TMEM65: variants seen among roughly 807,000 people sequenced by gnomAD.
TMEM65 encodes transmembrane protein 65.
TMEM65 carries 22 observed loss-of-function variants against 25.4 expected under a neutral mutation model. That is an observed-to-expected ratio of 0.86 (90% CI 0.62 to 1.23). TMEM65 has a LOEUF of 1.23. Ranked by LOEUF, TMEM65 falls within the 50% of genes most tolerant of loss-of-function variation. The pLI, the probability that TMEM65 is intolerant of heterozygous loss-of-function variation, is 0.00. For missense variants in TMEM65, 262 were observed against 308.2 expected (o/e 0.85, Z 1.12); for synonymous variants, 132 against 126.2 (o/e 1.05, Z -0.31).
In TMEM65 at chr8:124,347,828, T is replaced by A. The variant is rs182524890; in HGVS notation, c.305-17036A>T. ...CTTTATCAACCATATTAATGTACCA[T>A]CCCTATTAACTATTTAACTCTGACT... On this transcript the variant is annotated intron_variant, in intron 1 of 6. Transcript: ENST00000297632. 3.2e-4 allele frequency among the ~76,000 whole-genome samples: 48 copies of A among 151,914 alleles called. 1 individual carries two copies. The highest frequency in any genetic ancestry group is 6.9e-3 in the Middle Eastern group (2 of 290).
At chr8:124,340,277 A>G (rs1182666392) in intron 1 of TMEM65, among the ~76,000 whole-genome samples, 2 of 152,128 alleles carry the variant, frequency 1.3e-5, no homozygotes, top group Non-Finnish European at 2.9e-5. Context: ...CTGTTTATAT[A>G]TGTCTGCATC....
chr8:124,349,215 C>G (rs1814676441), intron 1 of TMEM65, among the ~76,000 whole-genome samples: 3 of 152,048 alleles, frequency 2.0e-5, no homozygotes, highest in South Asian at 4.1e-4. Context: ...AAAACATTGT[C>G]AAAACACTGG....
intron 1 of TMEM65, among the ~76,000 whole-genome samples, chr8:124,332,026 A>C (rs113127090): frequency 0.1 from 15,172 of 152,100 alleles, 803 homozygotes; most frequent in East Asian, 0.15. Context: ...TCTAAGAAGC[A>C]AACTTAAGCT....
chr8:124,361,539 A>G (rs1479880624), intron 1 of TMEM65, among the ~76,000 whole-genome samples: 2 of 151,606 alleles, frequency 1.3e-5, no homozygotes, highest in African/African-American at 4.8e-5. Context: ...GTTTAAAAAA[A>G]AGCAAGATTT....
rs1455438819 is a variant in TMEM65 at position 124,365,124 on chromosome 8, A to G, written c.304+6730T>C. ...GACTTTATATTACTTCAATTTTCCT[A>G]TCCACAAATTTGATCATAACAATTT... On this transcript the variant is annotated intron_variant, in intron 1 of 6. Transcript: ENST00000297632. 9.9e-5 allele frequency among the ~76,000 whole-genome samples: 15 copies of G among 152,216 alleles called. 1 individual carries two copies. The highest frequency in any genetic ancestry group is 2.1e-4 in the Non-Finnish European group (14 of 68,040).
chr8:124,365,260 T>C (rs1563600985), intron 1 of TMEM65, among the ~76,000 whole-genome samples: 1 of 152,224 alleles, frequency 6.6e-6, no homozygotes, highest in Non-Finnish European at 1.5e-5. Context: ...GAAGCCATAT[T>C]TCCCAAATTT....
At chr8:124,333,095 C>T (rs1207350725) in intron 1 of TMEM65, among the ~76,000 whole-genome samples, 1 of 151,852 alleles carries the variant, frequency 6.6e-6, no homozygotes, top group Non-Finnish European at 1.5e-5. Context: ...AGCCACCATG[C>T]CCAGCCCAAT....
chr8:124,363,836 C>CAAAAAAAAA (rs869161640), intron 1 of TMEM65, among the ~76,000 whole-genome samples: 10 of 55,714 alleles, frequency 1.8e-4, no homozygotes, highest in African/African-American at 5.6e-4. Flanking sequence ...GACTCCGTCT[C>CAAAAAAAAA]AAAAAAAAAA....
At chr8:124,314,554 A>G (rs1243194880) in intron 6 of TMEM65, among the ~76,000 whole-genome samples, 1 of 152,246 alleles carries the variant, frequency 6.6e-6, no homozygotes, top group Non-Finnish European at 1.5e-5. Flanking sequence ...TAGCAATTTC[A>G]GTATACATAA....
Position 124,310,864 on chromosome 8 carries a change from A to G in TMEM65, c.*3096T>C, listed in dbSNP as rs1586452355. On this transcript the variant is annotated 3_prime_UTR_variant, in exon 7 of 7. Coordinates refer to ENST00000297632, the MANE Select transcript of TMEM65 (RefSeq NM_194291.3). ...AAAAAAAATGAAAACTATAAAAACT[A>G]GATTCTCAAGGTACTGCATTACCAC... 1 of 152,224 alleles carries G rather than the reference A, an allele frequency of 6.6e-6. No homozygotes were observed. Among genetic ancestry groups the G allele is most frequent in the East Asian group, 1.9e-4 (1 of 5,184 alleles). The allele number at this position is 152,224 out of a possible 1,614,324, so 9.4% of individuals were successfully genotyped here.
intron 6 of TMEM65, among the ~76,000 whole-genome samples, chr8:124,315,891 T>G (rs1413428030): frequency 6.6e-6 from 1 of 152,206 alleles, no homozygotes; most frequent in East Asian, 1.9e-4. Context: ...TTTTTGACTT[T>G]AACATATTTA....
intron 1 of TMEM65, among the ~76,000 whole-genome samples, chr8:124,363,968 G>A (rs1180367729): frequency 2.7e-5 from 4 of 150,828 alleles, no homozygotes; most frequent in Admixed American, 6.6e-5. Flanking sequence ...GAATGTAAAG[G>A]ATTTTGTTGT....
chr8:124,349,593 TA>T (rs1814680824), intron 1 of TMEM65, among the ~76,000 whole-genome samples: 2 of 152,144 alleles, frequency 1.3e-5, no homozygotes, highest in Admixed American at 1.3e-4. Flanking sequence ...CTAACACAAA[TA>T]CCTACTCTGA....
chr8:124,342,982 G>A (rs1351680179), intron 1 of TMEM65, among the ~76,000 whole-genome samples: 1 of 152,096 alleles, frequency 6.6e-6, no homozygotes, highest in Non-Finnish European at 1.5e-5. Context: ...CAATTAAAAG[G>A]TTATTAGAAA....
In TMEM65 at chr8:124,348,512, T is replaced by C. The variant is rs193030347; in HGVS notation, c.305-17720A>G. Among the ~76,000 whole-genome samples the C allele has an allele frequency of 3.9e-3, 595 of 152,282 alleles. 12 individuals carry two copies. Among genetic ancestry groups the C allele is most frequent in the Admixed American group, 0.036 (556 of 15,298 alleles). ...TAAAAAAAAATCTTGTTGCTTTTAC[T>C]TATTAGATATAGAGATGGTACTATA... is the stretch of plus-strand genomic sequence containing the variant. On this transcript the variant is annotated intron_variant, in intron 1 of 6. Coordinates refer to ENST00000297632, the MANE Select transcript of TMEM65 (RefSeq NM_194291.3).
At chr8:124,323,762 A>G (rs1461012729) in intron 3 of TMEM65, among the ~76,000 whole-genome samples, 2 of 152,042 alleles carry the variant, frequency 1.3e-5, no homozygotes, top group Non-Finnish European at 2.9e-5. Flanking sequence ...ATTGTTATTT[A>G]CTCTATCAAA....
rs1814131605 is a variant in TMEM65, at chr8:124,309,606, C to T, written c.*4354G>A. ...TCTAGTACCTAGCATGATACTTTCT[C>T]TTCACAGAATATCTGTACTGTTTGT... On this transcript the variant is annotated 3_prime_UTR_variant, in exon 7 of 7. Transcript: ENST00000297632. 6.6e-6 allele frequency: 1 copy of T among 152,232 alleles called. No homozygotes were observed. 9.4% of individuals were successfully genotyped at this position (152,232 alleles called of 1,614,324 possible).
At position 124,372,649 on chromosome 8, in the gene TMEM65, G is replaced by A. The variant is rs947906711; in HGVS notation, c.-492C>T. On this transcript the variant is annotated 5_prime_UTR_variant, in exon 1 of 7. Transcript: ENST00000297632. ...GTTCCCGAGCCCTCAAAGCAGCCGCGCTCCCGAGCCGCAGCCGCCGCCGCC... is the reference window on the plus strand; with the variant it reads ...GTTCCCGAGCCCTCAAAGCAGCCGCACTCCCGAGCCGCAGCCGCCGCCGCC... The A allele has an allele frequency of 5.9e-5, 9 of 153,424 alleles. No homozygotes were observed. Among genetic ancestry groups the A allele is most frequent in the Non-Finnish European group, 9.6e-5 (7 of 73,158 alleles). The allele number at this position is 153,424 out of a possible 1,614,324, so 9.5% of individuals were successfully genotyped here.
At chr8:124,356,959 C>T (rs181080623) in intron 1 of TMEM65, among the ~76,000 whole-genome samples, 18 of 152,226 alleles carry the variant, frequency 1.2e-4, no homozygotes, top group African/African-American at 2.9e-4. Flanking sequence ...CCTCCCAACT[C>T]GTCCTCCCAA....
Sources: gnomAD v4.1 joint callset for allele counts (sites outside exome capture counted in the v4.1 genomes callset) on GRCh38, gnomAD v4.1.1 for gene constraint, MANE v1.5 for transcripts, NCBI Gene and HGNC (gene_info 2026-07-23, HGNC 2026-07-21) for gene names.